Variants in POLR3GL observed in about 807,000 individuals in gnomAD.
The protein encoded by POLR3GL is DNA-directed RNA polymerase III subunit RPC7-like.
POLR3GL carries 26 observed loss-of-function variants against 32.4 expected under a neutral mutation model. That is an observed-to-expected ratio of 0.80 (90% CI 0.59 to 1.11). The LOEUF (loss-of-function observed/expected upper bound fraction) is 1.11. Ranked by LOEUF, POLR3GL falls within the 50% of genes most tolerant of loss-of-function variation. POLR3GL has a pLI of 0.00. For synonymous variants in POLR3GL, 95 were observed against 98.7 expected, an observed-to-expected ratio of 0.96 and a Z score of 0.22; for missense variants, 229 against 280.1, an observed-to-expected ratio of 0.82 and a Z score of 1.30.
At chr1:145,973,471 G>C (rs587654264) in intron 1 of POLR3GL, among the ~76,000 whole-genome samples, 1 of 152,182 alleles carries the variant, frequency 6.6e-6, no homozygotes, top group African/African-American at 2.4e-5. Context: ...CAGCACTTTG[G>C]GAAGCCCAAG....
rs1341046061 is a variant in POLR3GL at position 145,978,538 on chromosome 1, C to A, written c.*91C>A. On this transcript the variant is annotated 3_prime_UTR_variant, in exon 8 of 8. Coordinates refer to ENST00000369314, the MANE Select transcript of POLR3GL (RefSeq NM_032305.3). ...TCTTCAGACAAGCAAATCATTTGGT[C>A]AGAGTTCATATAATCTGTCTGTTCC... is the stretch of plus-strand genomic sequence containing the variant. 7 of 863,340 alleles carry A rather than the reference C, an allele frequency of 8.1e-6. No homozygotes were observed. Among genetic ancestry groups the A allele is most frequent in the African/African-American group, 3.4e-5 (2 of 59,288 alleles). The allele number at this position is 863,340 out of a possible 1,614,324, so 53.5% of individuals were successfully genotyped here.
chr1:145,965,098 A>C (rs1649958830), intron 1 of POLR3GL, among the ~76,000 whole-genome samples: 1 of 152,208 alleles, frequency 6.6e-6, no homozygotes, highest in Non-Finnish European at 1.5e-5. Flanking sequence ...TGCTACCTGT[A>C]GTTTTCCTGG....
chr1:145,975,474 C>A, intron 3 of POLR3GL, 38 bp downstream of exon 3: 1 of 1,604,096 alleles, frequency 6.2e-7, no homozygotes, highest in Non-Finnish European at 8.5e-7. Context: ...TGAGTGCCTT[C>A]CATGGGGAGT....
intron 1 of POLR3GL, among the ~76,000 whole-genome samples, chr1:145,971,153 T>TCCAG (rs1650269533): frequency 1.8e-5 from 2 of 113,182 alleles, no homozygotes; most frequent in African/African-American, 3.6e-5. Context: ...GCCATTGCAC[T>TCCAG]CCAGCCGGGC....
chr1:145,969,910 A>G (rs1305618302), intron 1 of POLR3GL, among the ~76,000 whole-genome samples: 18 of 148,632 alleles, frequency 1.2e-4, no homozygotes, highest in Non-Finnish European at 2.5e-4. Flanking sequence ...TGACAGAGCA[A>G]GACTCTGTCT....
At chr1:145,972,408 A>G (rs1380316574) in intron 1 of POLR3GL, among the ~76,000 whole-genome samples, 2 of 151,064 alleles carry the variant, frequency 1.3e-5, no homozygotes, top group African/African-American at 4.9e-5. Flanking sequence ...GTGGGGAGTT[A>G]TGCTCCCCTG....
chr1:145,977,912 C>T, intron 6 of POLR3GL, 61 bp downstream of exon 6: 1 of 1,613,806 alleles, frequency 6.2e-7, no homozygotes, highest in Non-Finnish European at 8.5e-7. Flanking sequence ...CTCTCTTGGC[C>T]CATGTGTGCC....
intron 1 of POLR3GL, among the ~76,000 whole-genome samples, chr1:145,970,816 C>T (rs1650245016): frequency 2.3e-5 from 3 of 133,320 alleles, no homozygotes; most frequent in Admixed American, 9.2e-5. Context: ...GCGGAGGTTG[C>T]AGTGAGCCGA....
Position 145,978,032 on chromosome 1 carries a change from A to C in POLR3GL, c.506A>C (p.Lys169Thr). ...GTAACTTCAGAGGAGGATGAGGAGA[A>C]AGAAGAAGAAGAAGAGAAGGAAGAG... is the stretch of plus-strand genomic sequence containing the variant. ...EEVTSEEDEE[K>T]EEEEEKEEEE... Residue 169 changes from lysine to threonine, a missense_variant, in exon 7 of 8, where the codon AAA becomes ACA. Transcript: ENST00000369314. 3 of 1,418,170 alleles carry C rather than the reference A, an allele frequency of 2.1e-6. No individual in the cohort carries two copies. Among genetic ancestry groups the C allele is most frequent in the Non-Finnish European group, 2.9e-6 (3 of 1,019,546 alleles). The allele number at this position is 1,418,170 out of a possible 1,614,324, so 87.8% of individuals were successfully genotyped here. A position where few individuals can be genotyped will look rare whatever the true frequency, so the allele number is the denominator to read the frequency against.
At chr1:145,976,509 G>A (rs1553763416) in intron 3 of POLR3GL, among the ~76,000 whole-genome samples, 1 of 152,018 alleles carries the variant, frequency 6.6e-6, no homozygotes, top group Non-Finnish European at 1.5e-5. Context: ...CTTGGGAGGC[G>A]GAGGTTGCAG....
chr1:145,974,882 G>A lies in POLR3GL; in HGVS notation c.17G>A (p.Gly6Glu). ...CCCTCCACCATGGCCAGCCGGGGTG[G>A]GGGCCGGGGTCGTGGCCGGGGCCAG... Reference protein sequence around the residue: MASRGGGRGRGRGQLT... With the variant: MASRGEGRGRGRGQLT... Residue 6 changes from glycine to glutamate, a missense_variant, in exon 2 of 8, where the codon GGG becomes GAG. Gly to Glu is a moderately conservative substitution (Grantham distance 98). Transcript: ENST00000369314. The A allele has an allele frequency of 6.6e-7, 1 of 1,515,630 alleles. No individual in the cohort carries two copies. The highest frequency in any genetic ancestry group is 8.8e-7 in the Non-Finnish European group (1 of 1,141,344). 93.9% of individuals were successfully genotyped at this position (1,515,630 alleles called of 1,614,324 possible). A position where few individuals can be genotyped will look rare whatever the true frequency, so the allele number is the denominator to read the frequency against.
chr1:145,977,799 A>G lies in POLR3GL; in HGVS notation c.404A>G (p.Lys135Arg), dbSNP rs782371462. Residue 135 changes from lysine (K) to arginine (R), a missense_variant, in exon 6 of 8, where the codon AAG (lysine) becomes AGG (arginine). Lys to Arg is a conservative substitution (Grantham distance 26, BLOSUM62 2). Transcript: ENST00000369314. ...CCAGGGATTACAATTCTGCTCCCCA[A>G]GAGGCCCCCTAAGACCACAGAAGAT... is the stretch of plus-strand genomic sequence containing the variant. ...QKERITILLP[K>R]RPPKTTEDKE... The G allele has an allele frequency of 9.9e-6, 16 of 1,614,084 alleles. No homozygotes were observed. Among genetic ancestry groups the G allele is most frequent in the Non-Finnish European group, 1.3e-5 (15 of 1,179,966 alleles).
chr1:145,964,925 C>G (rs901703890), intron 1 of POLR3GL, among the ~76,000 whole-genome samples, 157 bp downstream of exon 1: 3 of 152,198 alleles, frequency 2.0e-5, no homozygotes, highest in African/African-American at 7.2e-5. Flanking sequence ...TGATTGTATA[C>G]TAGAGAATGG....
intron 1 of POLR3GL, among the ~76,000 whole-genome samples, chr1:145,971,996 A>C: frequency 8.2e-6 from 1 of 121,834 alleles, no homozygotes; most frequent in Non-Finnish European, 1.6e-5. Flanking sequence ...AAAAATATAT[A>C]TATATATATA....
chr1:145,974,686 C>T (rs1350352541), intron 1 of POLR3GL, 139 bp from the exon 2 acceptor site: 6 of 524,142 alleles, frequency 1.1e-5, no homozygotes, highest in African/African-American at 2.0e-5. Context: ...CTCTCTGACA[C>T]TGTGCCTTCT....
intron 1 of POLR3GL, among the ~76,000 whole-genome samples, chr1:145,965,816 T>C (rs1306510779): frequency 6.6e-6 from 1 of 152,130 alleles, no homozygotes; most frequent in Non-Finnish European, 1.5e-5. Flanking sequence ...ACACTTCCAC[T>C]GTAAAAGAGG....
In POLR3GL at chr1:145,977,895, ATTCC is replaced by A. The variant is rs1559257877; in HGVS notation, c.456+45_456+48del. ...TAGAGACCTCCTGAGCCCTGGATCCATTCCCTCTCTCTTGGCCCATGTGTGCCTC... is the reference window on the plus strand; with the variant it reads ...TAGAGACCTCCTGAGCCCTGGATCCACTCTCTCTTGGCCCATGTGTGCCTC... On this transcript the variant is annotated intron_variant, in intron 6 of 7. Transcript: ENST00000369314. 1.4e-5 allele frequency: 22 copies of A among 1,613,606 alleles called. No individual in the cohort carries two copies. The Admixed American group carries it at 2.3e-4, about 17-fold the overall frequency.
chr1:145,970,239 G>A (rs368557435), intron 1 of POLR3GL, among the ~76,000 whole-genome samples: 7 of 152,042 alleles, frequency 4.6e-5, no homozygotes, highest in South Asian at 4.2e-4. Context: ...CTTATCTCCC[G>A]GGCTGAAGCG....
intron 1 of POLR3GL, among the ~76,000 whole-genome samples, chr1:145,966,835 A>AT (rs1321670121): frequency 1.3e-5 from 2 of 152,266 alleles, no homozygotes; most frequent in South Asian, 2.1e-4. Flanking sequence ...TAAAATGGGT[A>AT]TTTTTTAACC....
Sources: gnomAD v4.1 joint callset for allele counts (sites outside exome capture counted in the v4.1 genomes callset) on GRCh38, gnomAD v4.1.1 for gene constraint, MANE v1.5 for transcripts, NCBI Gene and HGNC (gene_info 2026-07-23, HGNC 2026-07-21) for gene names.